Variants in DDX39A observed in about 807,000 individuals in gnomAD.
DDX39A encodes DExD-box helicase 39A.
Under a neutral mutation model 46.3 loss-of-function variants are expected in DDX39A, and 13 were observed. The ratio of observed to expected loss-of-function variants is 0.28; its 90% CI spans 0.18 to 0.45. DDX39A has a LOEUF of 0.45. Among genes scored for constraint, DDX39A ranks in the 20% least tolerant of loss-of-function variants. The pLI is 1.00. For missense variants in DDX39A, 352 were observed against 581.8 expected, an observed-to-expected ratio of 0.61 and a Z score of 4.06; for synonymous variants, 234 against 224.6, an observed-to-expected ratio of 1.04 and a Z score of -0.38.
At chr19:14,419,076 T>TGGCCCA (rs1489671394) in intron 1 of DDX39A, 194 bp downstream of exon 1, 1 of 442,226 alleles carries the variant, frequency 2.3e-6, no homozygotes, top group Non-Finnish European at 4.5e-6. Context: ...CGCCAACGGC[T>TGGCCCA]GGCCCACCCC....
intron 1 of DDX39A, among the ~76,000 whole-genome samples, chr19:14,417,695 G>A (rs1976866208): frequency 6.6e-6 from 1 of 151,976 alleles, no homozygotes; most frequent in South Asian, 2.1e-4. Context: ...TAAATAAGTA[G>A]AAATTAAAAA....
intron 1 of DDX39A, among the ~76,000 whole-genome samples, chr19:14,416,627 G>A (rs533320101): frequency 5.3e-5 from 8 of 152,312 alleles, no homozygotes; most frequent in African/African-American, 1.4e-4. Flanking sequence ...GCTGGCTGGC[G>A]TCAGGGCAGA....
intron 1 of DDX39A, among the ~76,000 whole-genome samples, chr19:14,418,005 C>G (rs565067779): frequency 9.9e-5 from 15 of 150,948 alleles, no homozygotes; most frequent in Admixed American, 9.9e-4. Context: ...CCCGTCTCTA[C>G]TACAAATACA....
Position 14,412,844 on chromosome 19 carries a change from G to A in DDX39A, c.209-166C>T. The A allele has an allele frequency of 8.8e-6, 11 of 1,247,882 alleles. No individual in the cohort carries two copies. The highest frequency in any genetic ancestry group is 1.5e-5 in the South Asian group (1 of 67,760). The allele number at this position is 1,247,882 out of a possible 1,614,324, so 77.3% of individuals were successfully genotyped here. ...GGTATCCGCCTGGTCAAAGCAGAAC[G>A]CCCCACTGCCGAGGGCAGCCACAGG... On this transcript the variant is annotated intron_variant, in intron 2 of 10. Transcript: ENST00000242776. The surrounding 1 kb of genome is among the most constrained non-coding windows in gnomAD (Gnocchi z 4.4).
At position 14,409,361 on chromosome 19, in the gene DDX39A, C is replaced by T. The variant is rs897628666; in HGVS notation, c.1061G>A (p.Arg354Gln). 3 of 1,614,200 alleles carry T rather than the reference C, an allele frequency of 1.9e-6. No homozygotes were observed. The highest frequency in any genetic ancestry group is 2.5e-6 in the Non-Finnish European group (3 of 1,180,038). ...GTCGTAGTTAAAGACGATGTTGACT[C>T]GCTCGATGTCCATCCCCCGGCCAAA... ...NLFGRGMDIE[R>Q]VNIVFNYDMP... The change falls in exon 9 of 11, where the codon CGA (arginine) becomes CAA (glutamine). Residue 354 changes from arginine (R) to glutamine (Q), a missense_variant. By Grantham distance (43) the Arg-to-Gln change is conservative. Transcript: ENST00000242776. The surrounding 1 kb of genome is among the most constrained non-coding windows in gnomAD (Gnocchi z 8.3).
chr19:14,413,339 G>A, intron 1 of DDX39A, 115 bp from the exon 2 acceptor site: 1 of 941,568 alleles, frequency 1.1e-6, no homozygotes, highest in South Asian at 1.7e-5. Context: ...GCTCTACCTG[G>A]GCTGCACCTC....
At chr19:14,414,420 T>C (rs1976723675) in intron 1 of DDX39A, among the ~76,000 whole-genome samples, 1 of 149,264 alleles carries the variant, frequency 6.7e-6, no homozygotes, top group South Asian at 2.1e-4. Flanking sequence ...TGGCGCAACC[T>C]CGGCTCACTG....
chr19:14,415,342 C>T (rs1030520813), intron 1 of DDX39A, among the ~76,000 whole-genome samples: 1 of 152,010 alleles, frequency 6.6e-6, no homozygotes. Flanking sequence ...CTCTGTTGCC[C>T]AGGCTGGAGT....
intron 1 of DDX39A, among the ~76,000 whole-genome samples, chr19:14,418,260 G>A (rs1224609589): frequency 6.6e-6 from 1 of 152,038 alleles, no homozygotes; most frequent in Admixed American, 6.6e-5. Flanking sequence ...AAAGGATCCG[G>A]CGGGGTTTTC....
chr19:14,410,762 A>G lies in DDX39A; in HGVS notation c.613+227T>C. The G allele has an allele frequency of 1.8e-6, 1 of 552,186 alleles. No individual in the cohort carries two copies. Among genetic ancestry groups the G allele is most frequent in the Non-Finnish European group, 3.2e-6 (1 of 309,928 alleles). 34.2% of individuals were successfully genotyped at this position (552,186 alleles called of 1,614,324 possible). A position where few individuals can be genotyped will look rare whatever the true frequency, so the allele number is the denominator to read the frequency against. On this transcript the variant is annotated intron_variant, in intron 5 of 10. Coordinates refer to ENST00000242776, the MANE Select transcript of DDX39A (RefSeq NM_005804.4). The surrounding 1 kb of genome is among the most constrained non-coding windows in gnomAD (Gnocchi z 4.3). ...CTCATACTCCCAGAGGTATGTGTGC[A>G]TGCCTTTACGTCCAGGAGGGACGGG...
chr19:14,414,251 A>G (rs1465728016), intron 1 of DDX39A, among the ~76,000 whole-genome samples: 1 of 151,940 alleles, frequency 6.6e-6, no homozygotes, highest in Non-Finnish European at 1.5e-5. Flanking sequence ...TCCATGAGGC[A>G]GTGAATCCCA....
Position 14,408,838 on chromosome 19 carries a change from T to C in DDX39A, c.*98A>G, listed in dbSNP as rs1222938016. On this transcript the variant is annotated 3_prime_UTR_variant, in exon 11 of 11. Transcript: ENST00000242776. ...CCAGGCTTCCATAATAACAAGTTTATTCTCATACAATCTCTAGCTTCTCAA... is the reference window on the plus strand; with the variant it reads ...CCAGGCTTCCATAATAACAAGTTTACTCTCATACAATCTCTAGCTTCTCAA... 2.0e-6 allele frequency: 3 copies of C among 1,484,838 alleles called. No homozygotes were observed. Among genetic ancestry groups the C allele is most frequent in the Admixed American group, 2.3e-5 (1 of 43,318 alleles). The allele number at this position is 1,484,838 out of a possible 1,614,324, so 92.0% of individuals were successfully genotyped here.
rs1325991813 is a variant in DDX39A, at chr19:14,408,969, G to A, written c.1268-17C>T. On this transcript the variant is annotated splice_polypyrimidine_tract_variant and intron_variant, in intron 10 of 10. Coordinates refer to ENST00000242776, the MANE Select transcript of DDX39A (RefSeq NM_005804.4). ...TCTGCTCGACTGTAAGACATGAGAT[G>A]CAGTGAACTGAAGGGCCGGGGGAGG... 8 of 1,608,900 alleles carry A rather than the reference G, an allele frequency of 5.0e-6. No individual in the cohort carries two copies. Among genetic ancestry groups the A allele is most frequent in the East Asian group, 2.2e-5 (1 of 44,734 alleles).
Position 14,409,555 on chromosome 19 carries a change from C to T in DDX39A, c.955G>A (p.Gly319Ser), listed in dbSNP as rs1236179050. 1.9e-6 allele frequency: 3 copies of T among 1,610,130 alleles called. No individual in the cohort carries two copies. Among genetic ancestry groups the T allele is most frequent in the East Asian group, 2.2e-5 (1 of 44,850 alleles). ...ACTCACCGCTCCTCCTGGGCCATGC[C>T]CCGGTGGATGGCGATGGCCGGGAAG... is the stretch of plus-strand genomic sequence containing the variant. ...QNFPAIAIHR[G>S]MAQEERLSRY... Residue 319 changes from glycine to serine, a missense_variant, in exon 8 of 11, where the codon GGC becomes AGC. Gly to Ser is a moderately conservative substitution (Grantham distance 56, BLOSUM62 0). Transcript: ENST00000242776. The surrounding 1 kb of genome is among the most constrained non-coding windows in gnomAD (Gnocchi z 8.3).
chr19:14,414,800 C>A (rs1349873180), intron 1 of DDX39A, among the ~76,000 whole-genome samples: 1 of 151,058 alleles, frequency 6.6e-6, no homozygotes, highest in African/African-American at 2.4e-5. Flanking sequence ...CCCAACTCTA[C>A]TAAAAATACA....
rs371430739 is a variant in DDX39A, at chr19:14,408,909, C to T, written c.*27G>A. ...AGGTGAAGCTGCATGCGGGCGGCTC[C>T]GGGTGGGCGGCTCTGGCACGTGGTG... is the stretch of plus-strand genomic sequence containing the variant. On this transcript the variant is annotated 3_prime_UTR_variant, in exon 11 of 11. Coordinates refer to ENST00000242776, the MANE Select transcript of DDX39A (RefSeq NM_005804.4). 2.9e-5 allele frequency: 46 copies of T among 1,566,532 alleles called. No individual in the cohort carries two copies. The South Asian group carries it at 3.0e-4, about 10-fold the overall frequency.
At position 14,412,187 on chromosome 19, in the gene DDX39A, A is replaced by G. The variant is rs1410895587; in HGVS notation, c.336+364T>C. On this transcript the variant is annotated intron_variant, in intron 3 of 10. Transcript: ENST00000242776. This position sits in a 1 kb window ranked among gnomAD's most constrained non-coding sequence, Gnocchi z 4.4. Reference sequence around the variant, plus strand: ...AACAGCAAGGACAGTGGTGACAGCTATATTCGGGGCAACCCAACCTTCACA... The same window carrying G: ...AACAGCAAGGACAGTGGTGACAGCTGTATTCGGGGCAACCCAACCTTCACA... Among the ~76,000 whole-genome samples the G allele has an allele frequency of 6.6e-6, 1 of 152,226 alleles. No individual in the cohort carries two copies. The highest frequency in any genetic ancestry group is 6.5e-5 in the Admixed American group (1 of 15,280).
In DDX39A at chr19:14,412,403, ACTGCAGCCTCGACTTC is replaced by A; in HGVS notation, c.336+132_336+147del. The A allele has an allele frequency of 1.0e-5, 11 of 1,082,698 alleles. No individual in the cohort carries two copies. The highest frequency in any genetic ancestry group is 1.4e-5 in the Non-Finnish European group (11 of 758,930). 67.1% of individuals were successfully genotyped at this position (1,082,698 alleles called of 1,614,324 possible). On this transcript the variant is annotated intron_variant, in intron 3 of 10. Coordinates refer to ENST00000242776, the MANE Select transcript of DDX39A (RefSeq NM_005804.4). The surrounding 1 kb of genome is among the most constrained non-coding windows in gnomAD (Gnocchi z 4.4). ...GAGTGCAGTGGTGTGATCATAGCAC[ACTGCAGCCTCGACTTC>A]CTGGGCTCAAGCAATCCTCCAGCCT...
Position 14,412,891 on chromosome 19 carries a change from C to T in DDX39A, c.208+122G>A, listed in dbSNP as rs1341153098. 8.4e-6 allele frequency: 11 copies of T among 1,307,224 alleles called. No individual in the cohort carries two copies. Among genetic ancestry groups the T allele is most frequent in the Admixed American group, 2.3e-5 (1 of 43,810 alleles). 81.0% of individuals were successfully genotyped at this position (1,307,224 alleles called of 1,614,324 possible). ...CAGGCCCCGCTGGGCACAACTGATC[C>T]GCGGGACAGACGGGCCCCTCCCTCA... On this transcript the variant is annotated intron_variant, in intron 2 of 10. Transcript: ENST00000242776. The surrounding 1 kb of genome is among the most constrained non-coding windows in gnomAD (Gnocchi z 4.4).
Sources: allele counts gnomAD v4.1 joint callset (sites outside exome capture counted in the v4.1 genomes callset), GRCh38; gene constraint gnomAD v4.1.1; non-coding constraint Gnocchi (gnomAD v3.1); transcripts MANE v1.5; gene names NCBI Gene and HGNC (gene_info 2026-07-23, HGNC 2026-07-21).